ZNF469: variants seen among roughly 807,000 people sequenced by gnomAD.
ZNF469 encodes zinc finger protein 469.
ZNF469 carries 1 observed loss-of-function variant against 1.0 expected under a neutral mutation model. The ratio of observed to expected loss-of-function variants is 1.00; its 90% CI spans 0.35 to 4.73. The LOEUF is 4.73. Among genes scored for constraint, ZNF469 ranks in the 30% most tolerant of loss-of-function variants. The probability of loss-of-function intolerance (pLI) is 0.16; values close to 1 mark genes in which losing one functional copy is unlikely to be tolerated. For synonymous variants in ZNF469, 2,703 were observed against 2,363.4 expected (o/e 1.14, Z -4.17); for missense variants, 6,100 against 5,356.3 (o/e 1.14, Z -4.33).
the ZNF469 span, among the ~76,000 whole-genome samples, chr16:88,247,505 G>T: frequency 4.4e-3 from 632 of 144,592 alleles, 6 homozygotes; most frequent in Middle Eastern, 0.032. Context: ...AGTGAGTGAG[G>T]GAATGAGTGA....
At chr16:88,372,765 T>C in the ZNF469 span, among the ~76,000 whole-genome samples, 37 of 147,982 alleles carry the variant, frequency 2.5e-4, no homozygotes, top group Non-Finnish European at 3.7e-4. Flanking sequence ...ATCTTTACCA[T>C]CTTCACCATC....
the ZNF469 span, among the ~76,000 whole-genome samples, chr16:88,374,234 T>A: frequency 2.2e-4 from 34 of 152,032 alleles, no homozygotes; most frequent in Non-Finnish European, 4.4e-4. Context: ...CAGGACACAG[T>A]ATGACATATG....
chr16:88,257,222 C>G, the ZNF469 span, among the ~76,000 whole-genome samples: 6 of 151,740 alleles, frequency 4.0e-5, no homozygotes, highest in Non-Finnish European at 8.8e-5. Flanking sequence ...CCTTGGCATC[C>G]CAAAGTGCTG....
chr16:88,346,561 C>A, the ZNF469 span, among the ~76,000 whole-genome samples: 1 of 152,246 alleles, frequency 6.6e-6, no homozygotes, highest in Non-Finnish European at 1.5e-5. Context: ...CGCTGTTGCC[C>A]AGGCTGGAGT....
the ZNF469 span, among the ~76,000 whole-genome samples, chr16:88,137,036 G>A: frequency 6.6e-6 from 1 of 152,250 alleles, no homozygotes; most frequent in Non-Finnish European, 1.5e-5. Context: ...ATACAACCAT[G>A]TGTGCATATG....
intron 1 of ZNF469, among the ~76,000 whole-genome samples, chr16:88,421,270 C>T (rs562319033): frequency 1.2e-4 from 18 of 152,294 alleles, no homozygotes; most frequent in Middle Eastern, 3.4e-3. Context: ...AGCGCTTGGC[C>T]GGCTAAAGAG....
rs775367818 is a variant in ZNF469, at chr16:88,432,110, G to A, written c.4640G>A (p.Ser1547Asn). Residue 1547 changes from serine to asparagine, a missense_variant, in exon 3 of 3, where the codon AGT (serine) becomes AAT (asparagine). Physicochemically the swap from Ser to Asn is conservative, Grantham distance 46. Transcript: ENST00000565624. Reference sequence around the variant, plus strand: ...GCCCCATCTTTGCCTGGGAAGGGGAGTGGATGTAGCGTTGCTCTTATGAGT... The same window carrying A: ...GCCCCATCTTTGCCTGGGAAGGGGAATGGATGTAGCGTTGCTCTTATGAGT... ...GAAPSLPGKG[S>N]GCSVALMSHL... 8.4e-6 allele frequency: 13 copies of A among 1,550,390 alleles called. No homozygotes were observed. Among genetic ancestry groups the A allele is most frequent in the Non-Finnish European group, 1.1e-5 (13 of 1,147,018 alleles).
In ZNF469 at chr16:88,436,587, G is replaced by A. The variant is rs1442883206; in HGVS notation, c.9117G>A (p.Leu3039=). 1 of 1,550,082 alleles carries A rather than the reference G, an allele frequency of 6.5e-7. No individual in the cohort carries two copies. The change falls in exon 3 of 3, where the codon CTG becomes CTA. Residue 3039 remains leucine (L), a synonymous_variant. Transcript: ENST00000565624. Reference sequence around the variant, plus strand: ...GGCTTCCCGGGAACACCCACCTGCTGCCGCTCCGTGCCACGGACTTTGAGG... The same window carrying A: ...GGCTTCCCGGGAACACCCACCTGCTACCGCTCCGTGCCACGGACTTTGAGG... ...DGGLPGNTHL[L]PLRATDFEVL... is the part of the protein sequence containing the mutation.
the ZNF469 span, among the ~76,000 whole-genome samples, chr16:88,333,695 G>A: frequency 7.6e-6 from 1 of 131,788 alleles, no homozygotes; most frequent in Non-Finnish European, 1.7e-5. Flanking sequence ...TGCCTGCCCA[G>A]GGAAGGCATT....
the ZNF469 span, among the ~76,000 whole-genome samples, chr16:88,188,240 C>T: frequency 2.6e-5 from 4 of 152,010 alleles, no homozygotes; most frequent in African/African-American, 9.7e-5. Flanking sequence ...CCCAACACCT[C>T]CTCTCCCCCA....
the ZNF469 span, among the ~76,000 whole-genome samples, chr16:88,164,077 G>C: frequency 6.6e-6 from 1 of 151,244 alleles, no homozygotes; most frequent in South Asian, 2.1e-4. Flanking sequence ...GGATGGGTTG[G>C]TGGGTGGGTG....
At chr16:88,249,429 CTTTTT>C in the ZNF469 span, among the ~76,000 whole-genome samples, 4 of 63,636 alleles carry the variant, frequency 6.3e-5, no homozygotes, top group African/African-American at 8.5e-5. Context: ...TTTTCTTTTT[CTTTTT>C]TTTTTTTTTT....
At chr16:88,252,273 A>G in the ZNF469 span, among the ~76,000 whole-genome samples, 1 of 149,100 alleles carries the variant, frequency 6.7e-6, no homozygotes, top group African/African-American at 2.5e-5. Context: ...GGATTTGGGC[A>G]GAGCTCACCC....
At chr16:88,353,260 G>C in the ZNF469 span, among the ~76,000 whole-genome samples, 1 of 152,078 alleles carries the variant, frequency 6.6e-6, no homozygotes, top group East Asian at 1.9e-4. Context: ...CCAATAATGC[G>C]GCTGGAGGGA....
intron 1 of ZNF469, among the ~76,000 whole-genome samples, chr16:88,386,212 G>A (rs964969193): frequency 1.3e-5 from 2 of 152,112 alleles, no homozygotes; most frequent in East Asian, 3.9e-4. Flanking sequence ...AGGAGACCTG[G>A]GAGAGTGTGA....
At chr16:88,372,065 T>TTAC in the ZNF469 span, among the ~76,000 whole-genome samples, 16 of 4,976 alleles carry the variant, frequency 3.2e-3, no homozygotes, top group African/African-American at 0.011. Context: ...ATTACCACCA[T>TTAC]CATCACCATC....
chr16:88,436,074 C>T lies in ZNF469; in HGVS notation c.8604C>T (p.Arg2868=), dbSNP rs3812953. 0.47 allele frequency: 727,107 copies of T among 1,549,838 alleles called. 172,902 individuals are homozygous for T. Among genetic ancestry groups the T allele is most frequent in the South Asian group, 0.6 (50,072 of 84,064 alleles). The change falls in exon 3 of 3, where the codon CGC becomes CGT. Residue 2868 remains arginine, a synonymous_variant. Coordinates refer to ENST00000565624, the MANE Select transcript of ZNF469 (RefSeq NM_001367624.2). ...CCCAGCTCTTCCCTCCAGGCGGTCG[C>T]TTGACTAGAAAGAGGAACCCGCATG... ...SFSQLFPPGG[R]LTRKRNPHVY...
In ZNF469 at chr16:88,434,243, A is replaced by G; in HGVS notation, c.6773A>G (p.Lys2258Arg). 6.5e-7 allele frequency: 1 copy of G among 1,550,308 alleles called. No individual in the cohort carries two copies. Among genetic ancestry groups the G allele is most frequent in the Non-Finnish European group, 8.7e-7 (1 of 1,146,954 alleles). ...STLRIPEDSR[K>R]EKLWESPGRA... ...TTAAGAATTCCAGAGGATTCCAGAA[A>G]AGAGAAGCTGTGGGAGTCTCCTGGC... Residue 2258 changes from lysine to arginine, a missense_variant, in exon 3 of 3, where the codon AAA becomes AGA. Physicochemically the swap from Lys to Arg is conservative, Grantham distance 26. Transcript: ENST00000565624.
the ZNF469 span, among the ~76,000 whole-genome samples, chr16:88,279,024 T>TGCGCCACGCTGACACTC: frequency 4.6e-5 from 7 of 151,712 alleles, no homozygotes; most frequent in African/African-American, 1.7e-4. Flanking sequence ...TCATTAGTGC[T>TGCGCCACGCTGACACTC]GTACCACGCC....
Sources: gnomAD v4.1 joint callset for allele counts (sites outside exome capture counted in the v4.1 genomes callset) on GRCh38, gnomAD v4.1.1 for gene constraint, MANE v1.5 for transcripts, NCBI Gene and HGNC (gene_info 2026-07-23, HGNC 2026-07-21) for gene names.